SYTL2: variants seen among roughly 807,000 people sequenced by gnomAD.
SYTL2 encodes synaptotagmin like 2.
In SYTL2, 165 loss-of-function variants were observed where a neutral mutation model predicts 198.7. The ratio of observed to expected loss-of-function variants is 0.83; its 90% CI spans 0.73 to 0.94. The LOEUF (loss-of-function observed/expected upper bound fraction) is 0.94. SYTL2 is among the 40% of genes least tolerant of loss of function. The pLI is 0.00. For synonymous variants in SYTL2, 966 were observed against 917.7 expected, an observed-to-expected ratio of 1.05 and a Z score of -0.95; for missense variants, 2,835 against 2,582.8, an observed-to-expected ratio of 1.10 and a Z score of -2.12.
chr11:85,711,482 T>G (rs1336172430), intron 12 of SYTL2, among the ~76,000 whole-genome samples: 1 of 152,244 alleles, frequency 6.6e-6, no homozygotes, highest in African/African-American at 2.4e-5. Flanking sequence ...CAAAGTAGTC[T>G]TTCCCAAAGT....
At chr11:85,734,829 G>T in intron 6 of SYTL2, 87 bp from the exon 7 acceptor site, 1 of 959,650 alleles carries the variant, frequency 1.0e-6, no homozygotes, top group Non-Finnish European at 1.5e-6. Context: ...CCTACACTTA[G>T]TGAAACTATT....
intron 2 of SYTL2, among the ~76,000 whole-genome samples, chr11:85,752,482 C>T (rs931643824): frequency 7.2e-5 from 11 of 152,160 alleles, no homozygotes; most frequent in Admixed American, 1.3e-4. Context: ...AACATGATTT[C>T]GGTTTCTAAG....
In SYTL2 at chr11:85,725,351, T is replaced by C. The variant is rs556669; in HGVS notation, c.4007A>G (p.Asp1336Gly). 0.66 allele frequency: 1,065,908 copies of C among 1,613,618 alleles called. 355,199 individuals are homozygous for C. Among genetic ancestry groups the C allele is most frequent in the African/African-American group, 0.84 (62,677 of 74,996 alleles). The change falls in exon 8 of 20, where the codon GAT (aspartate) becomes GGT (glycine). Residue 1336 changes from aspartate to glycine, a missense_variant. Physicochemically the swap from Asp to Gly is moderately conservative, Grantham distance 94. Coordinates refer to ENST00000359152, the MANE Select transcript of SYTL2 (RefSeq NM_206927.4). The part of the protein sequence containing the change: ...SPPQDMLFPQ[D>G]AHLVPQARVH... ...CCTAGCCTGGGGAACAAGATGAGCA[T>C]CCTGGGGAAAAAGCATATCTTGGGG...
intron 1 of SYTL2, among the ~76,000 whole-genome samples, chr11:85,798,182 G>GT (rs1566036097): frequency 6.6e-6 from 1 of 152,030 alleles, no homozygotes; most frequent in Non-Finnish European, 1.5e-5. Flanking sequence ...CTCAAGTTCA[G>GT]TTTTTTTGTC....
intron 7 of SYTL2, among the ~76,000 whole-genome samples, chr11:85,728,931 G>C (rs909665981): frequency 5.9e-5 from 9 of 152,156 alleles, no homozygotes; most frequent in African/African-American, 2.2e-4. Flanking sequence ...TCTAGTGATT[G>C]TTCTGCATAC....
chr11:85,709,337 G>C lies in SYTL2; in HGVS notation c.5909C>G (p.Ser1970Ter). The C allele has an allele frequency of 6.2e-7, 1 of 1,614,086 alleles. No individual in the cohort carries two copies. The highest frequency in any genetic ancestry group is 1.1e-5 in the South Asian group (1 of 91,078). ...GACTCTAAAATGTACTTACGGGTCT[G>C]AACGCTGTTTTTTTACATCCGCTGC... The part of the protein sequence containing the change: ...LAAADVKKQR[S>*]DPYVKAYLLP... The change falls in exon 14 of 20, where the codon TCA becomes TGA. Residue 1970 changes from serine to a stop codon, truncating the protein, a stop_gained. Coordinates refer to ENST00000359152, the MANE Select transcript of SYTL2 (RefSeq NM_206927.4). LOFTEE classifies it high-confidence loss of function.
chr11:85,803,949 T>C (rs1766225345), intron 1 of SYTL2, among the ~76,000 whole-genome samples: 1 of 152,226 alleles, frequency 6.6e-6, no homozygotes, highest in African/African-American at 2.4e-5. Flanking sequence ...TATTATGTTG[T>C]TGTTATTTGT....
At chr11:85,835,923 C>A in the SYTL2 span, among the ~76,000 whole-genome samples, 2 of 152,156 alleles carry the variant, frequency 1.3e-5, no homozygotes, top group Non-Finnish European at 2.9e-5. Flanking sequence ...CGAATTTTCC[C>A]ATAATCAGCA....
At chr11:85,712,490 C>CT (rs2086477334) in intron 12 of SYTL2, among the ~76,000 whole-genome samples, 3 of 152,068 alleles carry the variant, frequency 2.0e-5, no homozygotes, top group African/African-American at 7.2e-5. Context: ...TGAGCAAGGC[C>CT]TGATTGCATT....
In SYTL2 at chr11:85,727,361, T is replaced by G; in HGVS notation, c.1997A>C (p.Asn666Thr). ...PGKGNGASPS[N>T]SNYSYSVLKE... ...GAGAACACTGTAGGAATAGTTACTA[T>G]TTGAAGGAGATGCCCCATTCCCTTT... The change falls in exon 8 of 20, where the codon AAT becomes ACT. Residue 666 changes from asparagine (N) to threonine (T), a missense_variant. This residue lies in a region of SYTL2 where 2,645 missense variants were observed against 2,381.7 expected (regional missense o/e 1.11). Coordinates refer to ENST00000359152, the MANE Select transcript of SYTL2 (RefSeq NM_206927.4). The G allele has an allele frequency of 6.5e-7, 1 of 1,536,262 alleles. No homozygotes were observed. Among genetic ancestry groups the G allele is most frequent in the African/African-American group, 1.4e-5 (1 of 73,158 alleles).
At chr11:85,696,469 T>G in intron 18 of SYTL2, 81 bp from the exon 19 acceptor site, 1 of 1,155,002 alleles carries the variant, frequency 8.7e-7, no homozygotes. Flanking sequence ...AACACAGCTA[T>G]TAAAGATTGA....
chr11:85,731,404 G>T (rs1266795541), intron 7 of SYTL2, among the ~76,000 whole-genome samples: 1 of 152,136 alleles, frequency 6.6e-6, no homozygotes, highest in Non-Finnish European at 1.5e-5. Flanking sequence ...CAATGGGACA[G>T]AACAGAGGCC....
intron 2 of SYTL2, among the ~76,000 whole-genome samples, chr11:85,751,387 T>C (rs763478793): frequency 6.6e-6 from 1 of 152,158 alleles, no homozygotes; most frequent in Non-Finnish European, 1.5e-5. Flanking sequence ...TCATCTCTCA[T>C]TTTTTTCTGA....
intron 7 of SYTL2, among the ~76,000 whole-genome samples, chr11:85,728,625 A>C (rs1014214255): frequency 6.6e-6 from 1 of 152,122 alleles, no homozygotes; most frequent in Non-Finnish European, 1.5e-5. Flanking sequence ...TTACTTTTAA[A>C]TCTTTGTATA....
At chr11:85,835,384 ATAAT>A in the SYTL2 span, among the ~76,000 whole-genome samples, 7,184 of 152,246 alleles carry the variant, frequency 0.047, 272 homozygotes, top group South Asian at 0.095. Context: ...TTTTGGTTAA[ATAAT>A]TAGTCACTAT....
intron 16 of SYTL2, among the ~76,000 whole-genome samples, chr11:85,703,500 A>G (rs1178887984): frequency 6.6e-6 from 1 of 152,192 alleles, no homozygotes; most frequent in African/African-American, 2.4e-5. Flanking sequence ...TGAAAGAAAT[A>G]ATTGTCAACC....
chr11:85,783,401 G>A (rs932870732), intron 1 of SYTL2, among the ~76,000 whole-genome samples: 3 of 151,986 alleles, frequency 2.0e-5, no homozygotes, highest in African/African-American at 7.3e-5. Context: ...GGGATTATGG[G>A]AACTACAATT....
intron 19 of SYTL2, 67 bp downstream of exon 19, chr11:85,696,116 C>T (rs1386985758): frequency 7.4e-7 from 1 of 1,346,636 alleles, no homozygotes; most frequent in African/African-American, 1.4e-5. Flanking sequence ...AGCAAAGCAA[C>T]AAACAAACCT....
At chr11:85,854,284 C>T in the SYTL2 span, 4 of 142,982 alleles carry the variant, frequency 2.8e-5, no homozygotes, top group Non-Finnish European at 4.6e-5. Flanking sequence ...AATATTTCCA[C>T]TCATTAAAAA....
Sources: gnomAD v4.1 joint callset for allele counts (sites outside exome capture counted in the v4.1 genomes callset) on GRCh38, gnomAD v4.1.1 for gene constraint, gnomAD v4.1.1 regional missense constraint, MANE v1.5 for transcripts, NCBI Gene and HGNC (gene_info 2026-07-23, HGNC 2026-07-21) for gene names.